AP1M1: variants seen among roughly 807,000 people sequenced by gnomAD.
AP1M1 encodes AP-1 complex subunit mu-1.
In AP1M1, 18 loss-of-function variants were observed where a neutral mutation model predicts 57.1. The observed-to-expected ratio is 0.32, with a 90% CI of 0.22 to 0.47. The LOEUF (loss-of-function observed/expected upper bound fraction) is 0.47, where lower values mean the gene tolerates loss of function less well. AP1M1 is among the 20% of genes least tolerant of loss of function. The probability of loss-of-function intolerance (pLI) is 1.00; values close to 1 mark genes in which losing one functional copy is unlikely to be tolerated. For missense variants in AP1M1, 362 were observed against 593.5 expected, an observed-to-expected ratio of 0.61 and a Z score of 4.05; for synonymous variants, 241 against 237.9, an observed-to-expected ratio of 1.01 and a Z score of -0.12.
intron 1 of AP1M1, among the ~76,000 whole-genome samples, chr19:16,200,455 G>A (rs530914175): frequency 2.2e-4 from 33 of 152,274 alleles, no homozygotes; most frequent in Admixed American, 3.9e-4. Flanking sequence ...TGAGGAGACC[G>A]TAGCCCAGAG....
chr19:16,227,661 G>C lies in AP1M1; in HGVS notation c.787G>C (p.Glu263Gln). 1.2e-6 allele frequency: 2 copies of C among 1,613,910 alleles called. No individual in the cohort carries two copies. Among genetic ancestry groups the C allele is most frequent in the Non-Finnish European group, 1.7e-6 (2 of 1,179,918 alleles). Reference protein sequence around the residue: ...ISFIPPDGEFELMSYRLNTHV... With the variant: ...ISFIPPDGEFQLMSYRLNTHV... Reference sequence around the variant, plus strand: ...CTTCATCCCACCCGACGGCGAGTTCGAGCTCATGTCCTACCGTCTCAACAC... The same window carrying C: ...CTTCATCCCACCCGACGGCGAGTTCCAGCTCATGTCCTACCGTCTCAACAC... The change falls in exon 7 of 12, where the codon GAG (glutamate) becomes CAG (glutamine). Residue 263 changes from glutamate to glutamine, a missense_variant. Transcript: ENST00000291439. The surrounding 1 kb of genome is among the most constrained non-coding windows in gnomAD (Gnocchi z 6.2).
chr19:16,226,835 G>A (rs1278116822), intron 6 of AP1M1: 6 of 315,172 alleles, frequency 1.9e-5, no homozygotes, highest in Non-Finnish European at 2.9e-5. Context: ...CTGGGGCCTA[G>A]GCTAAGGCCT....
chr19:16,231,619 A>G (rs905320939), intron 9 of AP1M1, among the ~76,000 whole-genome samples: 7 of 80,664 alleles, frequency 8.7e-5, no homozygotes, highest in Non-Finnish European at 2.8e-4. Context: ...TAGTAGAAAC[A>G]GGGTTTCGCT....
chr19:16,228,714 G>A lies in AP1M1; in HGVS notation c.889-56G>A, dbSNP rs1223561834. 1.9e-6 allele frequency: 3 copies of A among 1,601,162 alleles called. No homozygotes were observed. Among genetic ancestry groups the A allele is most frequent in the African/African-American group, 2.7e-5 (2 of 74,702 alleles). On this transcript the variant is annotated intron_variant, in intron 8 of 11. Transcript: ENST00000291439. The surrounding 1 kb of genome is among the most constrained non-coding windows in gnomAD (Gnocchi z 5.0). Reference sequence around the variant, plus strand: ...GCTGAGGGGCATGTGTCCTGGAGAGGCTGGCCAGCTCACCTTGGCCTCCAT... The same window carrying A: ...GCTGAGGGGCATGTGTCCTGGAGAGACTGGCCAGCTCACCTTGGCCTCCAT...
At chr19:16,210,460 A>G (rs558544080) in intron 5 of AP1M1, 1 of 712,388 alleles carries the variant, frequency 1.4e-6, no homozygotes, top group Non-Finnish European at 2.6e-6. Context: ...CTCGCCAGCA[A>G]CAGATGAGGG....
chr19:16,203,076 C>T lies in AP1M1; in HGVS notation c.43-383C>T, dbSNP rs1037632732. ...AATACGAACCTTCAGCGGGAGTGGGCGCCCTGACACAGGCGGGAGAGCAAG... is the reference window on the plus strand; with the variant it reads ...AATACGAACCTTCAGCGGGAGTGGGTGCCCTGACACAGGCGGGAGAGCAAG... On this transcript the variant is annotated intron_variant, in intron 1 of 11. Coordinates refer to ENST00000291439, the MANE Select transcript of AP1M1 (RefSeq NM_032493.4). This position sits in a 1 kb window ranked among gnomAD's most constrained non-coding sequence, Gnocchi z 4.6. The T allele has an allele frequency of 5.6e-5, 13 of 233,762 alleles. No individual in the cohort carries two copies. The highest frequency in any genetic ancestry group is 3.1e-4 in the Admixed American group (6 of 19,304). 14.5% of individuals were successfully genotyped at this position (233,762 alleles called of 1,614,324 possible).
intron 1 of AP1M1, among the ~76,000 whole-genome samples, chr19:16,202,046 A>G (rs1035285924): frequency 1.3e-5 from 2 of 152,166 alleles, no homozygotes; most frequent in Admixed American, 1.3e-4. Context: ...TGGGGGGTCA[A>G]GAGTGACAGC....
intron 5 of AP1M1, among the ~76,000 whole-genome samples, chr19:16,223,386 A>T (rs2145133146): frequency 6.6e-6 from 1 of 152,304 alleles, no homozygotes; most frequent in South Asian, 2.1e-4. Flanking sequence ...TCATGGGGTG[A>T]CTTTCCTGAG....
At chr19:16,224,289 G>A (rs2091560157) in intron 5 of AP1M1, among the ~76,000 whole-genome samples, 1 of 152,214 alleles carries the variant, frequency 6.6e-6, no homozygotes, top group Non-Finnish European at 1.5e-5. Context: ...AGTCCCAGGG[G>A]GCAGCTTAGA....
intron 5 of AP1M1, among the ~76,000 whole-genome samples, chr19:16,222,500 A>G (rs2145132373): frequency 6.6e-6 from 1 of 152,298 alleles, no homozygotes; most frequent in African/African-American, 2.4e-5. Context: ...GGCATGAGCC[A>G]CTGTACCTGG....
chr19:16,219,005 T>C (rs1308049139), intron 5 of AP1M1, among the ~76,000 whole-genome samples: 1 of 152,154 alleles, frequency 6.6e-6, no homozygotes, highest in East Asian at 1.9e-4. Context: ...GCTGTAGGTT[T>C]ATTATAGGTG....
chr19:16,210,934 G>A (rs1002878529), intron 5 of AP1M1, among the ~76,000 whole-genome samples: 1 of 152,100 alleles, frequency 6.6e-6, no homozygotes, highest in Non-Finnish European at 1.5e-5. Flanking sequence ...TATCCTCTTT[G>A]GAGAAATGTC....
Position 16,203,425 on chromosome 19 carries a change from T to C in AP1M1, c.43-34T>C, listed in dbSNP as rs1480602179. On this transcript the variant is annotated intron_variant, in intron 1 of 11. Coordinates refer to ENST00000291439, the MANE Select transcript of AP1M1 (RefSeq NM_032493.4). This position sits in a 1 kb window ranked among gnomAD's most constrained non-coding sequence, Gnocchi z 4.6. ...AGCCCCCAGATTGTAGAACTGAAAA[T>C]GCAAGCATCTTTTCTCTTCCTTCCC... is the stretch of plus-strand genomic sequence containing the variant. 25 of 1,613,500 alleles carry C rather than the reference T, an allele frequency of 1.5e-5. No individual in the cohort carries two copies. The highest frequency in any genetic ancestry group is 2.1e-5 in the Non-Finnish European group (25 of 1,179,668).
intron 1 of AP1M1, among the ~76,000 whole-genome samples, chr19:16,198,512 C>T (rs2091434020): frequency 6.6e-6 from 1 of 152,186 alleles, no homozygotes; most frequent in South Asian, 2.1e-4. Context: ...GTTACAGCTT[C>T]TGTTTATCGT....
chr19:16,232,061 A>G (rs535399800), intron 9 of AP1M1, among the ~76,000 whole-genome samples: 3 of 152,320 alleles, frequency 2.0e-5, no homozygotes, highest in Admixed American at 1.3e-4. Flanking sequence ...GCTTCACAGA[A>G]GTTGCTGCCA....
rs549566066 is a variant in AP1M1, at chr19:16,203,367, G to C, written c.43-92G>C. Reference sequence around the variant, plus strand: ...TGGCCATGACCGGAGTCCCCAGAGCGAAGCAGGGTGGTGCATCTCACCCCC... The same window carrying C: ...TGGCCATGACCGGAGTCCCCAGAGCCAAGCAGGGTGGTGCATCTCACCCCC... On this transcript the variant is annotated intron_variant, in intron 1 of 11. Transcript: ENST00000291439. The surrounding 1 kb of genome is among the most constrained non-coding windows in gnomAD (Gnocchi z 4.6). 1,233 of 1,383,336 alleles carry C rather than the reference G, an allele frequency of 8.9e-4. 24 individuals are homozygous for C. In the South Asian group the frequency reaches 0.014, roughly 16 times the overall value. 85.7% of individuals were successfully genotyped at this position (1,383,336 alleles called of 1,614,324 possible).
chr19:16,232,142 A>C (rs1035162387), intron 9 of AP1M1, among the ~76,000 whole-genome samples: 2 of 152,144 alleles, frequency 1.3e-5, no homozygotes, highest in African/African-American at 4.8e-5. Flanking sequence ...AGCCTCTAGG[A>C]TTGTGGCCTG....
chr19:16,208,174 G>A (rs775018162), intron 4 of AP1M1, 25 bp downstream of exon 4: 18 of 1,602,958 alleles, frequency 1.1e-5, no homozygotes, highest in East Asian at 2.2e-5. Flanking sequence ...GTGGGGCCTG[G>A]GGCCAGGCCT....
chr19:16,206,282 G>A lies in AP1M1; in HGVS notation c.200-59G>A. Reference sequence around the variant, plus strand: ...GGTTAGGGGGTCCCTCCATGAACCAGGATCTTCCAGGCAGCAGCCCCAGCC... The same window carrying A: ...GGTTAGGGGGTCCCTCCATGAACCAAGATCTTCCAGGCAGCAGCCCCAGCC... On this transcript the variant is annotated intron_variant, in intron 2 of 11. Coordinates refer to ENST00000291439, the MANE Select transcript of AP1M1 (RefSeq NM_032493.4). This position sits in a 1 kb window ranked among gnomAD's most constrained non-coding sequence, Gnocchi z 4.3. The A allele has an allele frequency of 6.3e-7, 1 of 1,578,780 alleles. No homozygotes were observed. Among genetic ancestry groups the A allele is most frequent in the Non-Finnish European group, 8.7e-7 (1 of 1,148,922 alleles).
Sources: allele counts gnomAD v4.1 joint callset (sites outside exome capture counted in the v4.1 genomes callset), GRCh38; gene constraint gnomAD v4.1.1; non-coding constraint Gnocchi (gnomAD v3.1); transcripts MANE v1.5; gene names NCBI Gene and HGNC (gene_info 2026-07-23, HGNC 2026-07-21).